The following CPNE2 variants were observed in gnomAD, a reference collection of about 807,000 sequenced individuals.
CPNE2 encodes the protein copine-2.
Under a neutral mutation model 69.7 loss-of-function variants are expected in CPNE2, and 42 were observed. The observed-to-expected ratio is 0.60, with a 90% CI of 0.47 to 0.78. The LOEUF is 0.78. Among genes scored for constraint, CPNE2 ranks in the 30% least tolerant of loss-of-function variants. The probability of loss-of-function intolerance (pLI) is 0.00; values close to 1 mark genes in which losing one functional copy is unlikely to be tolerated. For synonymous variants in CPNE2, 294 were observed against 289.8 expected (o/e 1.01, Z -0.15); for missense variants, 587 against 732.0 (o/e 0.80, Z 2.29).
chr16:57,128,374 T>C (rs1439692304), intron 12 of CPNE2, among the ~76,000 whole-genome samples: 4 of 151,838 alleles, frequency 2.6e-5, no homozygotes, highest in Non-Finnish European at 5.9e-5. Context: ...GGATTACAGG[T>C]GCCCACCACC....
chr16:57,129,531 A>C (rs1176034046), intron 12 of CPNE2, among the ~76,000 whole-genome samples: 1 of 152,128 alleles, frequency 6.6e-6, no homozygotes, highest in African/African-American at 2.4e-5. Flanking sequence ...AGAAAGGTGG[A>C]TGATGGCTGG....
chr16:57,121,832 G>A, intron 9 of CPNE2, 72 bp downstream of exon 9: 1 of 1,424,052 alleles, frequency 7.0e-7, no homozygotes, highest in Non-Finnish European at 9.9e-7. Flanking sequence ...ACAGAGCACT[G>A]GATCTGGAGC....
chr16:57,121,801 C>T lies in CPNE2; in HGVS notation c.867+41C>T, dbSNP rs1179976932. 2.5e-6 allele frequency: 4 copies of T among 1,573,404 alleles called. No homozygotes were observed. The South Asian group carries it at 4.4e-5, about 17-fold the overall frequency. On this transcript the variant is annotated intron_variant, in intron 9 of 15. Coordinates refer to ENST00000290776, the MANE Select transcript of CPNE2 (RefSeq NM_152727.6). ...CAAGCACGAGCCAGGGGCCAGGTTT[C>T]AGGCCACACAGAAGGGACAGACAGA...
intron 13 of CPNE2, among the ~76,000 whole-genome samples, chr16:57,135,891 A>G (rs1257479553): frequency 4.1e-5 from 5 of 121,922 alleles, no homozygotes; most frequent in Non-Finnish European, 8.8e-5. Context: ...AAAAAAAAAA[A>G]GGAAGGAGAA....
At chr16:57,105,509 C>T (rs1597491016) in intron 1 of CPNE2, among the ~76,000 whole-genome samples, 1 of 151,804 alleles carries the variant, frequency 6.6e-6, no homozygotes, top group African/African-American at 2.4e-5. Context: ...AATCACAGCT[C>T]ACCGCAGCCC....
At chr16:57,104,470 G>T (rs7205433) in intron 1 of CPNE2, among the ~76,000 whole-genome samples, 47,292 of 152,036 alleles carry the variant, frequency 0.31, 8,177 homozygotes, top group Middle Eastern at 0.4. Flanking sequence ...AGACCCTAGG[G>T]TTTGAGAAGC....
intron 12 of CPNE2, among the ~76,000 whole-genome samples, chr16:57,128,607 C>T (rs2069816977): frequency 6.6e-6 from 1 of 152,172 alleles, no homozygotes. Flanking sequence ...CATTGTTTAT[C>T]TGAAATTCAA....
chr16:57,134,940 CT>C, intron 13 of CPNE2, 114 bp downstream of exon 13: 1 of 1,141,484 alleles, frequency 8.8e-7, no homozygotes, highest in Non-Finnish European at 1.3e-6. Context: ...TCCCCTCCCC[CT>C]TACTGTTGCT....
intron 14 of CPNE2, 125 bp from the exon 15 acceptor site, chr16:57,145,960 G>A: frequency 1.3e-6 from 1 of 770,296 alleles, no homozygotes; most frequent in East Asian, 2.7e-5. Context: ...TCTGGGACTT[G>A]GCTGCAGCTG....
At chr16:57,140,018 T>A (rs1597506721) in intron 14 of CPNE2, among the ~76,000 whole-genome samples, 1 of 151,492 alleles carries the variant, frequency 6.6e-6, no homozygotes, top group African/African-American at 2.4e-5. Context: ...GTGGCCGGGG[T>A]AGAGGGAACA....
chr16:57,128,702 C>T (rs1318269415), intron 12 of CPNE2, among the ~76,000 whole-genome samples: 1 of 152,100 alleles, frequency 6.6e-6, no homozygotes, highest in Admixed American at 6.5e-5. Flanking sequence ...GTATTCATCA[C>T]CTAAATAATG....
intron 1 of CPNE2, among the ~76,000 whole-genome samples, chr16:57,101,818 C>G (rs1186658861): frequency 6.6e-6 from 1 of 152,226 alleles, no homozygotes; most frequent in Non-Finnish European, 1.5e-5. Context: ...ACTCAGCTAA[C>G]CTGTGATTTG....
At chr16:57,112,500 G>C (rs944683570) in intron 2 of CPNE2, among the ~76,000 whole-genome samples, 5 of 152,024 alleles carry the variant, frequency 3.3e-5, no homozygotes, top group African/African-American at 1.2e-4. Flanking sequence ...CTCCGTCCCT[G>C]CTGCTCCAGC....
intron 4 of CPNE2, among the ~76,000 whole-genome samples, chr16:57,116,267 G>A (rs771042218): frequency 1.3e-5 from 2 of 152,018 alleles, no homozygotes; most frequent in East Asian, 1.9e-4. Flanking sequence ...AATGCCCTGC[G>A]TTCAAAGCAA....
intron 1 of CPNE2, among the ~76,000 whole-genome samples, chr16:57,107,272 G>T (rs556227048): frequency 6.6e-6 from 1 of 152,338 alleles, no homozygotes; most frequent in South Asian, 2.1e-4. Context: ...GCAAATTGTA[G>T]TGCTGTCCTG....
chr16:57,106,864 C>T lies in CPNE2; in HGVS notation c.-35-3844C>T, dbSNP rs543150865. Among the ~76,000 whole-genome samples, 20 of 152,272 alleles carry T rather than the reference C, an allele frequency of 1.3e-4. No individual in the cohort carries two copies. The East Asian group carries it at 2.1e-3, about 16-fold the overall frequency. ...TCCCCAGCCCTGATCACAACCTGCCCGCTTAGCCTCAGGCTCCCCTGGCCT... is the reference window on the plus strand; with the variant it reads ...TCCCCAGCCCTGATCACAACCTGCCTGCTTAGCCTCAGGCTCCCCTGGCCT... On this transcript the variant is annotated intron_variant, in intron 1 of 15. Transcript: ENST00000290776.
At chr16:57,104,677 T>A (rs1411266157) in intron 1 of CPNE2, among the ~76,000 whole-genome samples, 1 of 152,132 alleles carries the variant, frequency 6.6e-6, no homozygotes, top group Admixed American at 6.5e-5. Flanking sequence ...CACAGGTACA[T>A]AGACAGATAT....
intron 14 of CPNE2, among the ~76,000 whole-genome samples, chr16:57,138,282 ACT>A (rs2069897534): frequency 6.6e-6 from 1 of 151,752 alleles, no homozygotes; most frequent in Non-Finnish European, 1.5e-5. Flanking sequence ...ATTTCACTAG[ACT>A]CTAAAATATC....
At position 57,146,475 on chromosome 16, in the gene CPNE2, G is replaced by A. The variant is rs769050420; in HGVS notation, c.1539+154G>A. ...TCTGAGGGCCTGCCATGTGCCAGGC[G>A]CCGTGCCAGGCCTTGCCCCGGTGGT... On this transcript the variant is annotated intron_variant, in intron 15 of 15. Coordinates refer to ENST00000290776, the MANE Select transcript of CPNE2 (RefSeq NM_152727.6). This position sits in a 1 kb window ranked among gnomAD's most constrained non-coding sequence, Gnocchi z 4.4. The A allele has an allele frequency of 4.7e-5, 32 of 681,626 alleles. No individual in the cohort carries two copies. Among genetic ancestry groups the A allele is most frequent in the Admixed American group, 1.5e-4 (5 of 33,902 alleles). The allele number at this position is 681,626 out of a possible 1,614,324, so 42.2% of individuals were successfully genotyped here.
Sources: allele counts gnomAD v4.1 joint callset (sites outside exome capture counted in the v4.1 genomes callset), GRCh38; gene constraint gnomAD v4.1.1; non-coding constraint Gnocchi (gnomAD v3.1); transcripts MANE v1.5; gene names NCBI Gene and HGNC (gene_info 2026-07-23, HGNC 2026-07-21).